The following DPYS variants were observed in gnomAD, a reference collection of about 807,000 sequenced individuals.
DPYS encodes dihydropyrimidinase.
Under a neutral mutation model 50.3 loss-of-function variants are expected in DPYS, and 39 were observed. That is an observed-to-expected ratio of 0.78 (90% confidence interval 0.60 to 1.01). DPYS has a LOEUF of 1.01. Among genes scored for constraint, DPYS ranks in the 50% least tolerant of loss-of-function variants. The probability of loss-of-function intolerance (pLI) is 0.00; values close to 1 mark genes in which losing one functional copy is unlikely to be tolerated. For missense variants in DPYS, 659 were observed against 680.9 expected, an observed-to-expected ratio of 0.97 and a Z score of 0.36; for synonymous variants, 245 against 250.7, an observed-to-expected ratio of 0.98 and a Z score of 0.22.
At chr8:104,392,270 T>G (rs1348837115) in intron 8 of DPYS, among the ~76,000 whole-genome samples, 1 of 152,226 alleles carries the variant, frequency 6.6e-6, no homozygotes, top group Non-Finnish European at 1.5e-5. Context: ...CTGGGAGATC[T>G]GAGACTTGGC....
At chr8:104,440,022 T>C (rs1444628313) in intron 4 of DPYS, among the ~76,000 whole-genome samples, 1 of 152,108 alleles carries the variant, frequency 6.6e-6, no homozygotes, top group Non-Finnish European at 1.5e-5. Flanking sequence ...AGTGGTAAAA[T>C]TGAGCATGAA....
At chr8:104,410,404 TAG>T (rs1278595381) in intron 7 of DPYS, among the ~76,000 whole-genome samples, 2 of 152,210 alleles carry the variant, frequency 1.3e-5, no homozygotes, top group African/African-American at 4.8e-5. Context: ...GGTGACCAGG[TAG>T]GTGTAGAGAT....
intron 4 of DPYS, 152 bp from the exon 5 acceptor site, chr8:104,429,853 G>T (rs1326127749): frequency 2.1e-6 from 2 of 937,844 alleles, no homozygotes; most frequent in Non-Finnish European, 1.6e-6. Context: ...TTGTGGACAG[G>T]ATTTAAAAAT....
At chr8:104,457,368 A>G (rs1247847557) in intron 1 of DPYS, among the ~76,000 whole-genome samples, 2 of 152,162 alleles carry the variant, frequency 1.3e-5, no homozygotes, top group Non-Finnish European at 2.9e-5. Context: ...GTTTCATCAC[A>G]CTACTCAGGA....
intron 4 of DPYS, among the ~76,000 whole-genome samples, chr8:104,437,246 A>G (rs916337878): frequency 6.6e-6 from 1 of 152,132 alleles, no homozygotes; most frequent in Non-Finnish European, 1.5e-5. Context: ...AAGGCCTACT[A>G]CTAAATATAG....
chr8:104,381,464 T>G, intron 8 of DPYS, 150 bp from the exon 9 acceptor site: 1 of 699,458 alleles, frequency 1.4e-6, no homozygotes, highest in South Asian at 1.6e-5. Flanking sequence ...TTCACGGAAA[T>G]TCCTGGCAAC....
intron 1 of DPYS, among the ~76,000 whole-genome samples, chr8:104,457,534 C>T (rs1308536892): frequency 6.6e-6 from 1 of 152,116 alleles, no homozygotes; most frequent in Admixed American, 6.5e-5. Context: ...TATGGTGCCA[C>T]CAAATTCTTA....
Position 104,466,701 on chromosome 8 carries a change from A to G in DPYS, c.220T>C (p.Phe74Leu). The change falls in exon 1 of 10, where the codon TTC (phenylalanine) becomes CTC (leucine). Residue 74 changes from phenylalanine (F) to leucine (L), a missense_variant. Coordinates refer to ENST00000351513, the MANE Select transcript of DPYS (RefSeq NM_001385.3). ...IDTHTHMQFP[F>L]MGSRSIDDFH... ...TCGTCGATGGACCGCGAGCCCATGA[A>G]GGGGAACTGCATGTGCGTGTGTGTG... The G allele has an allele frequency of 6.5e-7, 1 of 1,531,864 alleles. No individual in the cohort carries two copies. Among genetic ancestry groups the G allele is most frequent in the Admixed American group, 2.0e-5 (1 of 50,410 alleles). The allele number at this position is 1,531,864 out of a possible 1,614,324, so 94.9% of individuals were successfully genotyped here. A position where few individuals can be genotyped will look rare whatever the true frequency, so the allele number is the denominator to read the frequency against.
chr8:104,466,017 C>T (rs1431115087), intron 1 of DPYS, among the ~76,000 whole-genome samples: 1 of 150,640 alleles, frequency 6.6e-6, no homozygotes, highest in Non-Finnish European at 1.5e-5. Context: ...TTCTGGAATA[C>T]TTTCTCTTCT....
intron 8 of DPYS, among the ~76,000 whole-genome samples, chr8:104,384,725 G>C (rs1332046532): frequency 6.6e-6 from 1 of 152,128 alleles, no homozygotes; most frequent in Non-Finnish European, 1.5e-5. Context: ...TGATAATAAA[G>C]ACTCCATCCC....
At chr8:104,381,358 G>C in intron 8 of DPYS, 44 bp from the exon 9 acceptor site, 1 of 1,572,472 alleles carries the variant, frequency 6.4e-7, no homozygotes, top group South Asian at 1.1e-5. Context: ...TTATTTTCTT[G>C]AGTTCAAAGT....
intron 7 of DPYS, among the ~76,000 whole-genome samples, chr8:104,418,092 C>T (rs531903235): frequency 6.7e-4 from 102 of 152,320 alleles, no homozygotes; most frequent in African/African-American, 2.4e-3. Context: ...ATCTATGTAC[C>T]ATGAAGCCAA....
At chr8:104,395,999 T>C (rs1017005941) in intron 7 of DPYS, among the ~76,000 whole-genome samples, 5 of 152,026 alleles carry the variant, frequency 3.3e-5, no homozygotes, top group African/African-American at 1.2e-4. Flanking sequence ...AAGTGGTAAA[T>C]AACATCACTG....
At chr8:104,445,690 A>C (rs778218992) in intron 3 of DPYS, among the ~76,000 whole-genome samples, 3 of 152,142 alleles carry the variant, frequency 2.0e-5, no homozygotes, top group Non-Finnish European at 4.4e-5. Flanking sequence ...GTAAAACAAA[A>C]AAAAAGAAAG....
At chr8:104,457,312 G>A (rs1479904124) in intron 1 of DPYS, among the ~76,000 whole-genome samples, 4 of 152,160 alleles carry the variant, frequency 2.6e-5, no homozygotes, top group African/African-American at 9.7e-5. Flanking sequence ...GACATAGGGA[G>A]GACTCACGTC....
intron 7 of DPYS, 175 bp downstream of exon 7, chr8:104,424,072 C>A (rs1348534252): frequency 3.1e-6 from 3 of 981,858 alleles, no homozygotes; most frequent in Non-Finnish European, 3.6e-6. Flanking sequence ...CCAAGAAAAA[C>A]AAAGGAATAT....
At chr8:104,410,342 G>C (rs1812132839) in intron 7 of DPYS, among the ~76,000 whole-genome samples, 1 of 152,040 alleles carries the variant, frequency 6.6e-6, no homozygotes, top group Non-Finnish European at 1.5e-5. Flanking sequence ...GATTTAGTCA[G>C]ATTTCCCCAG....
chr8:104,450,018 T>C (rs1012987438), intron 2 of DPYS, among the ~76,000 whole-genome samples: 1 of 152,156 alleles, frequency 6.6e-6, no homozygotes, highest in South Asian at 2.1e-4. Context: ...CAGGTGACTC[T>C]TTGTATACTA....
rs544346122 is a variant in DPYS at position 104,383,230 on chromosome 8, A to T, written c.1444-1916T>A. 5.9e-5 allele frequency among the ~76,000 whole-genome samples: 9 copies of T among 152,292 alleles called. No individual in the cohort carries two copies. In the East Asian group the frequency reaches 1.7e-3, roughly 29 times the overall value. The stretch of plus-strand genomic sequence containing the variant: ...CTTCCGGTCAGGGCCATGCTTTTGC[A>T]TGGGCTGGGCTGCCGCTTTCATTTT... On this transcript the variant is annotated intron_variant, in intron 8 of 9. Transcript: ENST00000351513.
Sources: allele counts gnomAD v4.1 joint callset (sites outside exome capture counted in the v4.1 genomes callset), GRCh38; gene constraint gnomAD v4.1.1; transcripts MANE v1.5; gene names NCBI Gene and HGNC (gene_info 2026-07-23, HGNC 2026-07-21).